The following ALDH1L2 variants were observed in gnomAD, a reference collection of about 807,000 sequenced individuals.
ALDH1L2 encodes aldehyde dehydrogenase 1 family member L2.
ALDH1L2 carries 91 observed loss-of-function variants against 111.0 expected under a neutral mutation model. The observed-to-expected ratio is 0.82, with a 90% CI of 0.69 to 0.98. ALDH1L2 has a LOEUF of 0.98. Ranked by LOEUF, ALDH1L2 falls within the 50% of genes least tolerant of loss-of-function variation. The pLI is 0.00. For synonymous variants in ALDH1L2, 374 were observed against 392.6 expected (o/e 0.95, Z 0.56); for missense variants, 995 against 1,126.8 (o/e 0.88, Z 1.67).
intron 10 of ALDH1L2, among the ~76,000 whole-genome samples, chr12:105,055,248 A>T (rs1359979958): frequency 6.6e-6 from 1 of 152,164 alleles, no homozygotes; most frequent in African/African-American, 2.4e-5. Flanking sequence ...CCCCCTCACA[A>T]ATGCTGGGAG....
chr12:105,032,708 C>T (rs1874775254), intron 19 of ALDH1L2, among the ~76,000 whole-genome samples: 1 of 152,240 alleles, frequency 6.6e-6, no homozygotes, highest in Non-Finnish European at 1.5e-5. Flanking sequence ...ATATAAGCTA[C>T]ATACACTATA....
At chr12:105,054,846 TGGCTTG>T (rs1182689179) in intron 10 of ALDH1L2, among the ~76,000 whole-genome samples, 3 of 152,168 alleles carry the variant, frequency 2.0e-5, no homozygotes, top group Non-Finnish European at 4.4e-5. Flanking sequence ...CTACCATGCC[TGGCTTG>T]GGCTTGTCTT....
At chr12:105,063,661 T>A (rs1877152559) in intron 6 of ALDH1L2, among the ~76,000 whole-genome samples, 1 of 150,154 alleles carries the variant, frequency 6.7e-6, no homozygotes, top group African/African-American at 2.5e-5. Flanking sequence ...GAAGGTAGGG[T>A]TTGGGTGGGT....
chr12:105,084,368 G>C (rs1878490008), intron 1 of ALDH1L2, 21 bp downstream of exon 1: 8 of 1,468,394 alleles, frequency 5.4e-6, no homozygotes, highest in Non-Finnish European at 7.2e-6. Context: ...CAGCCGGGAC[G>C]CTCGCCCGGG....
intron 18 of ALDH1L2, among the ~76,000 whole-genome samples, chr12:105,037,031 T>C (rs10861313): frequency 0.24 from 37,161 of 151,996 alleles, 6,195 homozygotes; most frequent in East Asian, 0.5. Flanking sequence ...GTGTTCATTA[T>C]AATTACATTT....
intron 7 of ALDH1L2, among the ~76,000 whole-genome samples, chr12:105,062,514 C>T (rs565005454): frequency 6.6e-6 from 1 of 152,194 alleles, no homozygotes; most frequent in Admixed American, 6.5e-5. Flanking sequence ...CAAGGGGCAT[C>T]TGAGGAGGGC....
At chr12:105,061,883 C>T (rs1592794936) in intron 7 of ALDH1L2, 131 bp from the exon 8 acceptor site, 5 of 1,090,298 alleles carry the variant, frequency 4.6e-6, no homozygotes, top group South Asian at 1.6e-5. Flanking sequence ...AGATTAAAAG[C>T]ATTCACCATT....
chr12:105,032,225 T>C (rs1376576556), intron 19 of ALDH1L2, among the ~76,000 whole-genome samples: 1 of 146,082 alleles, frequency 6.8e-6, no homozygotes, highest in Non-Finnish European at 1.5e-5. Flanking sequence ...TTGCCCAGGC[T>C]GGAGTACAAT....
At chr12:105,027,200 A>G (rs551129280) in intron 21 of ALDH1L2, among the ~76,000 whole-genome samples, 34 of 152,378 alleles carry the variant, frequency 2.2e-4, no homozygotes, top group African/African-American at 8.2e-4. Flanking sequence ...AAATGAAAAT[A>G]TCAGGCTCAC....
chr12:105,023,446 G>C lies in ALDH1L2; in HGVS notation c.*978C>G, dbSNP rs1449837728. ...TATCTAGGAATTGATGATTGAAAAGGGTTGTGGGAAATGAATTCATCTAGT... is the reference window on the plus strand; with the variant it reads ...TATCTAGGAATTGATGATTGAAAAGCGTTGTGGGAAATGAATTCATCTAGT... On this transcript the variant is annotated 3_prime_UTR_variant, in exon 23 of 23. Transcript: ENST00000258494. The C allele has an allele frequency of 6.6e-6, 1 of 152,176 alleles. No homozygotes were observed. The highest frequency in any genetic ancestry group is 1.9e-4 in the East Asian group (1 of 5,198). 9.4% of individuals were successfully genotyped at this position (152,176 alleles called of 1,614,324 possible).
At chr12:105,028,833 A>G (rs1874548919) in intron 21 of ALDH1L2, among the ~76,000 whole-genome samples, 1 of 152,218 alleles carries the variant, frequency 6.6e-6, no homozygotes, top group Non-Finnish European at 1.5e-5. Flanking sequence ...AATACTCAGA[A>G]TGACCTAAGG....
At chr12:105,039,924 A>T (rs7315784) in intron 16 of ALDH1L2, 118 bp from the exon 17 acceptor site, 282,436 of 789,036 alleles carry the variant, frequency 0.36, 53,258 homozygotes, top group South Asian at 0.51. Context: ...AGGTCAGGAG[A>T]TCGAGACCCG....
At chr12:105,026,130 C>T (rs1039069842) in intron 22 of ALDH1L2, among the ~76,000 whole-genome samples, 1 of 152,128 alleles carries the variant, frequency 6.6e-6, no homozygotes, top group Non-Finnish European at 1.5e-5. Flanking sequence ...GAAAGCCTGC[C>T]AAGAAGCTCC....
chr12:105,022,359 A>C lies in ALDH1L2; in HGVS notation c.*2065T>G, dbSNP rs1318611565. ...TGAATTTTGGGGGTAGAAGCGGGAC[A>C]CAGGGAGTGTTCATAGCTTTTATCA... On this transcript the variant is annotated 3_prime_UTR_variant, in exon 23 of 23. Transcript: ENST00000258494. 1 of 152,200 alleles carries C rather than the reference A, an allele frequency of 6.6e-6. No individual in the cohort carries two copies. Among genetic ancestry groups the C allele is most frequent in the Admixed American group, 6.5e-5 (1 of 15,272 alleles). 9.4% of individuals were successfully genotyped at this position (152,200 alleles called of 1,614,324 possible).
rs772552821 is a variant in ALDH1L2 at position 105,046,906 on chromosome 12, G to C, written c.1750C>G (p.Pro584Ala). The C allele has an allele frequency of 6.2e-7, 1 of 1,613,976 alleles. No individual in the cohort carries two copies. Among genetic ancestry groups the C allele is most frequent in the Non-Finnish European group, 8.5e-7 (1 of 1,179,864 alleles). Residue 584 changes from proline to alanine, a missense_variant, in exon 14 of 23, where the codon CCA becomes GCA. Physicochemically the swap from Pro to Ala is conservative, Grantham distance 27. Transcript: ENST00000258494. Reference protein sequence around the residue: ...NRNLTFTKKEPLGVCAIIIPW... With the variant: ...NRNLTFTKKEALGVCAIIIPW... ...GCACTCTCCTTATCTTACCCGAGTG[G>C]CTCTTTCTTGGTGAAGGTCAGATTG...
chr12:105,058,978 T>TA lies in ALDH1L2; in HGVS notation c.1140-759dup, dbSNP rs202008642. 2.3e-3 allele frequency among the ~76,000 whole-genome samples: 347 copies of TA among 151,926 alleles called. 3 individuals are homozygous for TA. Among genetic ancestry groups the TA allele is most frequent in the African/African-American group, 7.8e-3 (323 of 41,450 alleles). On this transcript the variant is annotated intron_variant, in intron 9 of 22. Transcript: ENST00000258494. ...CTAGCAAAAAAAAAAGTATTAATAA[T>TA]ACAGTACTGGCCGGGTGCGGTGGCT...
At position 105,054,405 on chromosome 12, in the gene ALDH1L2, G is replaced by T. The variant is rs1455731103; in HGVS notation, c.1288-1474C>A. Among the ~76,000 whole-genome samples the T allele has an allele frequency of 2.6e-5, 4 of 152,162 alleles. No individual in the cohort carries two copies. In the East Asian group the frequency reaches 5.8e-4, roughly 22 times the overall value. ...CTCAGAACTCTGGAAATTAGCCAAA[G>T]GCTTGCAATAATCCATTTCAAGAAG... On this transcript the variant is annotated intron_variant, in intron 10 of 22. Transcript: ENST00000258494.
At chr12:105,062,846 A>C (rs764983983) in intron 7 of ALDH1L2, 42 bp downstream of exon 7, 2 of 1,587,938 alleles carry the variant, frequency 1.3e-6, no homozygotes, top group South Asian at 2.3e-5. Context: ...TATAGAAGAA[A>C]ATCAAAAGGT....
At chr12:105,028,133 T>C (rs1471110077) in intron 21 of ALDH1L2, among the ~76,000 whole-genome samples, 1 of 152,152 alleles carries the variant, frequency 6.6e-6, no homozygotes, top group Non-Finnish European at 1.5e-5. Context: ...CTTTTTGAGA[T>C]GGAGTCTCAC....
Sources: allele counts gnomAD v4.1 joint callset (sites outside exome capture counted in the v4.1 genomes callset), GRCh38; gene constraint gnomAD v4.1.1; transcripts MANE v1.5; gene names NCBI Gene and HGNC (gene_info 2026-07-23, HGNC 2026-07-21).